Variants in ME3 observed in about 807,000 individuals in gnomAD.
The protein encoded by ME3 is NADP-dependent malic enzyme, mitochondrial.
A neutral mutation model predicts 68.9 loss-of-function variants in ME3; 48 were observed. That is an observed-to-expected ratio of 0.70 (90% CI 0.55 to 0.89). The LOEUF (loss-of-function observed/expected upper bound fraction) is 0.89. Among genes scored for constraint, ME3 ranks in the 40% least tolerant of loss-of-function variants. The pLI is 0.00. For synonymous variants in ME3, 320 were observed against 318.8 expected, an observed-to-expected ratio of 1.00 and a Z score of -0.04; for missense variants, 675 against 797.4, an observed-to-expected ratio of 0.85 and a Z score of 1.85.
At chr11:86,504,230 C>A (rs1952913041) in intron 5 of ME3, among the ~76,000 whole-genome samples, 3 of 152,220 alleles carry the variant, frequency 2.0e-5, no homozygotes, top group African/African-American at 7.2e-5. Flanking sequence ...ATACCTGTGC[C>A]TTGAAAAACT....
chr11:86,598,862 A>G (rs1280352831), intron 2 of ME3, among the ~76,000 whole-genome samples: 2 of 152,190 alleles, frequency 1.3e-5, no homozygotes, highest in East Asian at 1.9e-4. Context: ...GACCTCTAGC[A>G]AACTCCAACA....
chr11:86,507,572 A>G (rs1034731962), intron 5 of ME3, among the ~76,000 whole-genome samples: 1 of 152,362 alleles, frequency 6.6e-6, no homozygotes, highest in African/African-American at 2.4e-5. Flanking sequence ...AGAAGTAACA[A>G]TGATCTTAGA....
intron 2 of ME3, among the ~76,000 whole-genome samples, chr11:86,668,857 C>T (rs1946738291): frequency 6.6e-6 from 1 of 152,184 alleles, no homozygotes; most frequent in Admixed American, 6.5e-5. Context: ...CAGGCACTAC[C>T]CCATGCCAAA....
chr11:86,549,557 G>T (rs991558578), intron 4 of ME3, among the ~76,000 whole-genome samples: 2 of 152,220 alleles, frequency 1.3e-5, no homozygotes, highest in African/African-American at 4.8e-5. Context: ...CTGGTCCAGT[G>T]TATCTCTTGA....
chr11:86,625,197 G>A (rs562389266), intron 2 of ME3, among the ~76,000 whole-genome samples: 4 of 152,180 alleles, frequency 2.6e-5, no homozygotes, highest in African/African-American at 9.6e-5. Flanking sequence ...TCACCAGACA[G>A]TAACTATCGT....
intron 2 of ME3, among the ~76,000 whole-genome samples, chr11:86,642,677 C>T (rs1228632139): frequency 1.3e-5 from 2 of 152,128 alleles, no homozygotes; most frequent in Admixed American, 1.3e-4. Context: ...GCACTCCAGC[C>T]TGGGTGACAG....
intron 6 of ME3, among the ~76,000 whole-genome samples, chr11:86,492,464 A>G (rs1952062804): frequency 6.6e-6 from 1 of 152,264 alleles, no homozygotes. Context: ...GGCAGAAATC[A>G]TGGTTTCTAG....
chr11:86,642,502 G>T (rs1440969540), intron 2 of ME3, among the ~76,000 whole-genome samples: 1 of 152,206 alleles, frequency 6.6e-6, no homozygotes, highest in Non-Finnish European at 1.5e-5. Context: ...AACAAAGATG[G>T]TTAAAGATCA....
chr11:86,672,121 T>A (rs1299912547), intron 1 of ME3, 163 bp from the exon 2 acceptor site: 8 of 583,420 alleles, frequency 1.4e-5, no homozygotes, highest in Non-Finnish European at 1.8e-5. Flanking sequence ...GGCTGCCACC[T>A]GCTCGGCTCC....
rs140742698 is a variant in ME3 at position 86,648,016 on chromosome 11, C to T, written c.183+23746G>A. Among the ~76,000 whole-genome samples, 609 of 152,314 alleles carry T rather than the reference C, an allele frequency of 4.0e-3. 6 individuals are homozygous for T. Among genetic ancestry groups the T allele is most frequent in the African/African-American group, 0.014 (593 of 41,564 alleles). ...TGACCACATAATTGGAAGTAAAATA[C>T]TCCTCAGCAAATGCAAAAGAATGGA... On this transcript the variant is annotated intron_variant, in intron 2 of 14. Transcript: ENST00000543262.
At chr11:86,461,323 G>T (rs748270887) in intron 8 of ME3, among the ~76,000 whole-genome samples, 9 of 152,172 alleles carry the variant, frequency 5.9e-5, no homozygotes, top group African/African-American at 1.7e-4. Flanking sequence ...AGTGAGGGAG[G>T]GGGGGATGTT....
exon 6 of ME3, chr11:86,498,017 C>A (rs1163807823): frequency 8.7e-6 from 14 of 1,612,774 alleles, no homozygotes; most frequent in Non-Finnish European, 1.1e-5. Flanking sequence ...GCGGGTTCAC[C>A]CCTCCGCATG....
chr11:86,450,118 A>G, intron 9 of ME3, 116 bp from the exon 10 acceptor site: 1 of 968,458 alleles, frequency 1.0e-6, no homozygotes, highest in South Asian at 1.6e-5. Flanking sequence ...GACTCCCAGG[A>G]GGCCCAATTA....
intron 2 of ME3, among the ~76,000 whole-genome samples, chr11:86,561,066 A>C (rs1199568890): frequency 6.6e-6 from 1 of 151,994 alleles, no homozygotes; most frequent in Non-Finnish European, 1.5e-5. Flanking sequence ...GTTGATACGG[A>C]CCTTGATCAG....
intron 2 of ME3, among the ~76,000 whole-genome samples, chr11:86,597,505 G>T (rs1453258283): frequency 6.6e-6 from 1 of 152,192 alleles, no homozygotes; most frequent in African/African-American, 2.4e-5. Context: ...AGAAGTCTTT[G>T]GGAACAAGCC....
At chr11:86,474,540 T>TA (rs975773400) in intron 7 of ME3, among the ~76,000 whole-genome samples, 5 of 152,218 alleles carry the variant, frequency 3.3e-5, no homozygotes, top group African/African-American at 1.2e-4. Flanking sequence ...CTCCTGCTTA[T>TA]AAAGCTTTCT....
At chr11:86,615,066 T>C (rs542388268) in intron 2 of ME3, among the ~76,000 whole-genome samples, 9 of 152,328 alleles carry the variant, frequency 5.9e-5, no homozygotes, top group African/African-American at 1.7e-4. Context: ...CCAAGAGCTA[T>C]AGCCTTTGGC....
chr11:86,595,280 TATATAC>T (rs904258062), intron 2 of ME3, among the ~76,000 whole-genome samples: 1 of 109,004 alleles, frequency 9.2e-6, no homozygotes, highest in African/African-American at 3.6e-5. Context: ...ATTTTACATA[TATATAC>T]ATATACATAT....
intron 6 of ME3, among the ~76,000 whole-genome samples, chr11:86,492,274 C>T (rs1383348572): frequency 1.3e-5 from 2 of 152,346 alleles, no homozygotes; most frequent in South Asian, 2.1e-4. Context: ...CACATAAGCC[C>T]TTGAGAAGCA....
Sources: allele counts gnomAD v4.1 joint callset (sites outside exome capture counted in the v4.1 genomes callset), GRCh38; gene constraint gnomAD v4.1.1; transcripts MANE v1.5; gene names NCBI Gene and HGNC (gene_info 2026-07-23, HGNC 2026-07-21).